Variants in CNKSR2 observed in about 807,000 individuals in gnomAD.
CNKSR2 encodes connector enhancer of kinase suppressor of Ras 2.
CNKSR2 carries 14 observed loss-of-function variants against 84.4 expected under a neutral mutation model. That is an observed-to-expected ratio of 0.17 (90% CI 0.11 to 0.26). The LOEUF is 0.26. CNKSR2 is among the 10% of genes least tolerant of loss of function. The probability of loss-of-function intolerance (pLI) is 1.00; values close to 1 mark genes in which losing one functional copy is unlikely to be tolerated. For synonymous variants in CNKSR2, 275 were observed against 277.9 expected (o/e 0.99, Z 0.10); for missense variants, 485 against 771.2 (o/e 0.63, Z 4.40).
intron 11 of CNKSR2, among the ~76,000 whole-genome samples, chrX:21,547,734 A>G (rs2092041980): frequency 8.9e-6 from 1 of 112,487 alleles, no homozygotes; most frequent in Non-Finnish European, 1.9e-5. Flanking sequence ...ACAGTCTCTC[A>G]GACCACAGTG....
At chrX:21,437,022 A>G (rs1382739585) in intron 3 of CNKSR2, among the ~76,000 whole-genome samples, 1 of 111,882 alleles carries the variant, frequency 8.9e-6, no homozygotes, top group African/African-American at 3.2e-5. Flanking sequence ...TTTCCTTGGT[A>G]TGTGTTTAGA....
intron 5 of CNKSR2, among the ~76,000 whole-genome samples, chrX:21,483,991 A>G (rs2091351927): frequency 8.9e-6 from 1 of 112,284 alleles, no homozygotes; most frequent in African/African-American, 3.2e-5. Flanking sequence ...CAAATAAAAC[A>G]ATAAAATAAA....
chrX:21,420,822 A>G (rs183660111), intron 1 of CNKSR2, among the ~76,000 whole-genome samples: 40 of 110,299 alleles, frequency 3.6e-4, no homozygotes, highest in African/African-American at 1.1e-3. Context: ...TTTTGGAGCC[A>G]TGAGCTGTAA....
intron 5 of CNKSR2, among the ~76,000 whole-genome samples, chrX:21,488,105 A>G (rs190678110): frequency 1.2e-4 from 13 of 112,107 alleles, no homozygotes; most frequent in Non-Finnish European, 1.9e-4. Flanking sequence ...CAGAGAGAGT[A>G]AAGAGATGTG....
chrX:21,565,828 T>G (rs2092233068), intron 13 of CNKSR2, among the ~76,000 whole-genome samples: 2 of 111,844 alleles, frequency 1.8e-5, no homozygotes, highest in African/African-American at 6.5e-5. Context: ...GATCTCACCT[T>G]GCCCTTATTT....
At chrX:21,641,680 C>T in intron 20 of CNKSR2, 1 of 1,106,741 alleles carries the variant, frequency 9.0e-7, no homozygotes. Context: ...GACTCAACAT[C>T]AACCTCTTGC....
At chrX:21,418,287 TGTTTA>T (rs1363802373) in intron 1 of CNKSR2, among the ~76,000 whole-genome samples, 2 of 112,079 alleles carry the variant, frequency 1.8e-5, no homozygotes, top group East Asian at 5.6e-4. Context: ...ATTGGTTCAT[TGTTTA>T]GTCTTTCTGC....
At chrX:21,392,931 C>A (rs1443212646) in intron 1 of CNKSR2, among the ~76,000 whole-genome samples, 3 of 111,101 alleles carry the variant, frequency 2.7e-5, no homozygotes, top group Non-Finnish European at 5.6e-5. Context: ...AATTCTTGTG[C>A]CTTTCTGATT....
rs144170235 is a variant in CNKSR2 at position 21,549,651 on chromosome X, C to A, written c.1304-11820C>A. On this transcript the variant is annotated intron_variant, in intron 11 of 21. Coordinates refer to ENST00000379510, the MANE Select transcript of CNKSR2 (RefSeq NM_014927.5). ...GAACAAAGCTGGAGGCATCACACTA[C>A]CTGACTTCAAACTATACTACAAGGT... Among the ~76,000 whole-genome samples, 756 of 111,865 alleles carry A rather than the reference C, an allele frequency of 6.8e-3. 4 individuals carry two copies. Among genetic ancestry groups the A allele is most frequent in the Non-Finnish European group, 0.011 (598 of 53,201 alleles).
chrX:21,550,178 G>A (rs1432511815), intron 11 of CNKSR2, among the ~76,000 whole-genome samples: 1 of 111,876 alleles, frequency 8.9e-6, no homozygotes, highest in African/African-American at 3.3e-5. Flanking sequence ...ATCTGACAAA[G>A]GGCTAATATC....
chrX:21,480,896 A>ATGCC (rs2091312081), intron 5 of CNKSR2, among the ~76,000 whole-genome samples: 1 of 111,933 alleles, frequency 8.9e-6, no homozygotes, highest in African/African-American at 3.3e-5. Context: ...AAAATATTTG[A>ATGCC]TATTTACTTG....
chrX:21,497,909 A>T (rs911426205), intron 7 of CNKSR2, 63 bp downstream of exon 7: 2 of 548,008 alleles, frequency 3.6e-6, no homozygotes, highest in African/African-American at 4.5e-5. Flanking sequence ...AACAACTTAT[A>T]TATCTCACAT....
At chrX:21,465,021 G>A (rs1201915259) in intron 4 of CNKSR2, among the ~76,000 whole-genome samples, 2 of 111,738 alleles carry the variant, frequency 1.8e-5, no homozygotes, top group African/African-American at 6.5e-5. Flanking sequence ...CTTATTGACT[G>A]TGCATTTGTT....
chrX:21,421,377 G>T (rs567607117), intron 1 of CNKSR2, among the ~76,000 whole-genome samples: 1 of 107,541 alleles, frequency 9.3e-6, no homozygotes, highest in South Asian at 4.2e-4. Flanking sequence ...CTGATGTTTG[G>T]TTCCTATGAG....
chrX:21,561,449 G>A, intron 11 of CNKSR2, 22 bp from the exon 12 acceptor site: 3 of 1,136,334 alleles, frequency 2.6e-6, no homozygotes, highest in Non-Finnish European at 3.6e-6. Flanking sequence ...AATGTGATGT[G>A]AACTTTGTTC....
At chrX:21,552,365 G>A (rs1569238158) in intron 11 of CNKSR2, among the ~76,000 whole-genome samples, 3 of 111,653 alleles carry the variant, frequency 2.7e-5, no homozygotes, top group Non-Finnish European at 5.7e-5. Flanking sequence ...GTTGAATTTG[G>A]GTTAATTTAC....
At chrX:21,567,908 T>C (rs2092253868) in intron 13 of CNKSR2, among the ~76,000 whole-genome samples, 1 of 110,688 alleles carries the variant, frequency 9.0e-6, no homozygotes, top group Non-Finnish European at 1.9e-5. Context: ...CATCTTTAAA[T>C]CTTGTAGGAC....
At chrX:21,381,030 C>T (rs774670876) in intron 1 of CNKSR2, among the ~76,000 whole-genome samples, 1 of 111,733 alleles carries the variant, frequency 8.9e-6, no homozygotes, top group South Asian at 3.8e-4. Flanking sequence ...GAATTACATT[C>T]GGTGAGGGAA....
chrX:21,469,309 T>C (rs1380556605), intron 4 of CNKSR2, among the ~76,000 whole-genome samples: 1 of 111,954 alleles, frequency 8.9e-6, no homozygotes, highest in Non-Finnish European at 1.9e-5. Context: ...TATGAGTCCC[T>C]CAGAAAGACA....
Sources: gnomAD v4.1 joint callset for allele counts (sites outside exome capture counted in the v4.1 genomes callset) on GRCh38, gnomAD v4.1.1 for gene constraint, MANE v1.5 for transcripts, NCBI Gene and HGNC (gene_info 2026-07-23, HGNC 2026-07-21) for gene names.